The following ZNRF1 variants were observed in gnomAD, a reference collection of about 807,000 sequenced individuals.
ZNRF1 encodes the protein E3 ubiquitin-protein ligase ZNRF1.
In ZNRF1, 3 loss-of-function variants were observed where a neutral mutation model predicts 18.4. That is an observed-to-expected ratio of 0.16 (90% CI 0.07 to 0.42). ZNRF1 has a LOEUF of 0.42. ZNRF1 is among the 10% of genes least tolerant of loss of function. The probability of loss-of-function intolerance (pLI) is 0.99; values close to 1 mark genes in which losing one functional copy is unlikely to be tolerated. For synonymous variants in ZNRF1, 157 were observed against 144.2 expected, an observed-to-expected ratio of 1.09 and a Z score of -0.64; for missense variants, 310 against 329.8, an observed-to-expected ratio of 0.94 and a Z score of 0.47.
At chr16:75,091,817 A>G (rs2036143446) in intron 1 of ZNRF1, among the ~76,000 whole-genome samples, 1 of 152,026 alleles carries the variant, frequency 6.6e-6, no homozygotes, top group Non-Finnish European at 1.5e-5. Context: ...AATTACAGGC[A>G]TGCACGACCA....
chr16:75,020,602 C>T (rs1006059413), intron 1 of ZNRF1, among the ~76,000 whole-genome samples: 1 of 151,380 alleles, frequency 6.6e-6, no homozygotes, highest in Non-Finnish European at 1.5e-5. Context: ...AGTTCAGTGG[C>T]GCGATCTTGG....
At position 75,093,551 on chromosome 16, in the gene ZNRF1, TC is replaced by T. The variant is rs1212091451; in HGVS notation, c.425-18del. The T allele has an allele frequency of 5.0e-6, 8 of 1,593,774 alleles. No homozygotes were observed. Among genetic ancestry groups the T allele is most frequent in the Non-Finnish European group, 6.9e-6 (8 of 1,161,672 alleles). The stretch of plus-strand genomic sequence containing the variant: ...TACTGGATCTGGAGAAAACATTTCA[TC>T]CCATTCTCCTCTCTTTCAGGTTTCA... On this transcript the variant is annotated intron_variant, in intron 1 of 4. Coordinates refer to ENST00000335325, the MANE Select transcript of ZNRF1 (RefSeq NM_032268.5).
At chr16:75,049,114 C>T (rs1457802080) in intron 1 of ZNRF1, among the ~76,000 whole-genome samples, 5 of 151,818 alleles carry the variant, frequency 3.3e-5, no homozygotes, top group African/African-American at 4.8e-5. Context: ...AAGCAATTCT[C>T]CTGCCTCAGC....
chr16:75,075,827 A>G (rs531416224), intron 1 of ZNRF1, among the ~76,000 whole-genome samples: 1 of 152,320 alleles, frequency 6.6e-6, no homozygotes, highest in African/African-American at 2.4e-5. Context: ...ATCATTGGCA[A>G]CCGTGGAAAG....
chr16:75,036,479 A>G (rs2035377245), intron 1 of ZNRF1, among the ~76,000 whole-genome samples: 1 of 151,778 alleles, frequency 6.6e-6, no homozygotes. Flanking sequence ...CTAAACTGGA[A>G]TGTTTATATT....
chr16:75,085,791 T>TGAGAGA (rs71378737), intron 1 of ZNRF1, among the ~76,000 whole-genome samples: 5,074 of 138,860 alleles, frequency 0.037, 145 homozygotes, highest in African/African-American at 0.074. Flanking sequence ...TCCGACAGAG[T>TGAGAGA]GAGAGAGAGA....
At chr16:75,002,984 G>A (rs1437068387) in intron 1 of ZNRF1, among the ~76,000 whole-genome samples, 1 of 151,984 alleles carries the variant, frequency 6.6e-6, no homozygotes, top group African/African-American at 2.4e-5. Context: ...ACAGAGTTTC[G>A]CTCTTGTTGC....
chr16:75,037,381 C>A (rs1449484006), intron 1 of ZNRF1, among the ~76,000 whole-genome samples: 1 of 152,130 alleles, frequency 6.6e-6, no homozygotes, highest in African/African-American at 2.4e-5. Context: ...CACAGTCTCC[C>A]TCTGTCACCC....
chr16:75,101,453 C>G (rs1436349924), intron 2 of ZNRF1, among the ~76,000 whole-genome samples: 1 of 152,036 alleles, frequency 6.6e-6, no homozygotes, highest in Non-Finnish European at 1.5e-5. Context: ...ACTTAGTAGG[C>G]TGAGGCAGGA....
chr16:75,050,894 AAAAAC>A (rs1189467174), intron 1 of ZNRF1, among the ~76,000 whole-genome samples: 6,454 of 119,604 alleles, frequency 0.054, 1,877 homozygotes, highest in African/African-American at 0.089. Context: ...AAAAACAAAA[AAAAAC>A]AAAAAACTTG....
chr16:75,021,601 A>G (rs908220030), intron 1 of ZNRF1, among the ~76,000 whole-genome samples: 1 of 152,206 alleles, frequency 6.6e-6, no homozygotes, highest in Non-Finnish European at 1.5e-5. Context: ...TTAGCTAGTT[A>G]TAAAAGTCTG....
chr16:75,047,435 C>T (rs2035529850), intron 1 of ZNRF1, among the ~76,000 whole-genome samples: 1 of 152,258 alleles, frequency 6.6e-6, no homozygotes. Flanking sequence ...GTCGGGATTA[C>T]AAGCATGAGC....
intron 1 of ZNRF1, among the ~76,000 whole-genome samples, chr16:75,073,437 G>A (rs1165276113): frequency 6.6e-6 from 1 of 151,846 alleles, no homozygotes; most frequent in African/African-American, 2.4e-5. Context: ...TTCATACATT[G>A]ATCTGTTTTT....
chr16:75,059,615 C>T (rs1324272625), intron 1 of ZNRF1, among the ~76,000 whole-genome samples: 1 of 151,974 alleles, frequency 6.6e-6, no homozygotes, highest in African/African-American at 2.4e-5. Flanking sequence ...GTTTTTCAGC[C>T]ATCAAAAAGA....
chr16:75,004,803 A>T (rs1000393370), intron 1 of ZNRF1, among the ~76,000 whole-genome samples: 1 of 152,132 alleles, frequency 6.6e-6, no homozygotes, highest in Middle Eastern at 3.4e-3. Flanking sequence ...TTTTGTAGAG[A>T]TGAGGTCTCA....
intron 1 of ZNRF1, among the ~76,000 whole-genome samples, chr16:75,050,907 T>A (rs1246026035): frequency 1.5e-5 from 2 of 132,932 alleles, no homozygotes; most frequent in Non-Finnish European, 3.1e-5. Context: ...AACAAAAAAC[T>A]TGTAGCCAGG....
At chr16:75,010,723 T>G (rs2034988600) in intron 1 of ZNRF1, among the ~76,000 whole-genome samples, 1 of 142,366 alleles carries the variant, frequency 7.0e-6, no homozygotes, top group African/African-American at 2.7e-5. Context: ...TTTTTTGTTT[T>G]TTTTTTTTTG....
chr16:75,057,195 C>G (rs1371349331), intron 1 of ZNRF1, among the ~76,000 whole-genome samples: 4 of 152,162 alleles, frequency 2.6e-5, no homozygotes, highest in Non-Finnish European at 5.9e-5. Flanking sequence ...TGCTGCATGT[C>G]CCTGCTCCTT....
intron 1 of ZNRF1, among the ~76,000 whole-genome samples, chr16:75,005,924 G>T (rs1461737794): frequency 6.6e-6 from 1 of 152,158 alleles, no homozygotes; most frequent in Non-Finnish European, 1.5e-5. Flanking sequence ...GACCTAGGTG[G>T]TATAGCCTGC....
Sources: gnomAD v4.1 joint callset for allele counts (sites outside exome capture counted in the v4.1 genomes callset) on GRCh38, gnomAD v4.1.1 for gene constraint, MANE v1.5 for transcripts, NCBI Gene and HGNC (gene_info 2026-07-23, HGNC 2026-07-21) for gene names.